ENPP7: variants seen among roughly 807,000 people sequenced by gnomAD.
The protein encoded by ENPP7 is ectonucleotide pyrophosphatase/phosphodiesterase family member 7.
ENPP7 carries 39 observed loss-of-function variants against 33.6 expected under a neutral mutation model. The ratio of observed to expected loss-of-function variants is 1.16; its 90% CI spans 0.90 to 1.52. ENPP7 has a LOEUF of 1.52. ENPP7 is among the 40% of genes most tolerant of loss of function. The probability of loss-of-function intolerance (pLI) is 0.00; values close to 1 mark genes in which losing one functional copy is unlikely to be tolerated. For synonymous variants in ENPP7, 244 were observed against 274.3 expected, an observed-to-expected ratio of 0.89 and a Z score of 1.09; for missense variants, 594 against 641.0, an observed-to-expected ratio of 0.93 and a Z score of 0.79.
Position 79,737,958 on chromosome 17 carries a change from A to C in ENPP7, c.1289A>C (p.Lys430Thr). The part of the protein sequence containing the change: ...PPDGRPTLLP[K>T]GRSALPPSSR... The stretch of plus-strand genomic sequence containing the variant: ...GATGGAAGGCCTACTCTCCTGCCCA[A>C]GGGAAGATCTGCTCTCCCGCCCAGC... The change falls in exon 5 of 6, where the codon AAG becomes ACG. Residue 430 changes from lysine (K) to threonine (T), a missense_variant. Physicochemically the swap from Lys to Thr is moderately conservative, Grantham distance 78. Around this residue, in one of 3 missense-constraint regions of ENPP7, gnomAD observed 504 missense variants for 512.8 expected, o/e 0.98. Coordinates refer to ENST00000328313, the MANE Select transcript of ENPP7 (RefSeq NM_178543.5). The surrounding 1 kb of genome is among the most constrained non-coding windows in gnomAD (Gnocchi z 5.5). The C allele has an allele frequency of 1.2e-6, 2 of 1,613,844 alleles. No homozygotes were observed. Among genetic ancestry groups the C allele is most frequent in the Non-Finnish European group, 1.7e-6 (2 of 1,180,008 alleles).
rs184046915 is a variant in ENPP7 at position 79,737,929 on chromosome 17, G to A, written c.1260G>A (p.Pro420=). ...LPMLHTESAL[P]PDGRPTLLPK... ...GGCTTTCCTTAGAATCTGCTCTTCC[G>A]CCTGATGGAAGGCCTACTCTCCTGC... The change falls in exon 5 of 6, where the codon CCG becomes CCA. Residue 420 remains proline (P), a synonymous_variant. Coordinates refer to ENST00000328313, the MANE Select transcript of ENPP7 (RefSeq NM_178543.5). This position sits in a 1 kb window ranked among gnomAD's most constrained non-coding sequence, Gnocchi z 5.5. 152 of 1,613,720 alleles carry A rather than the reference G, an allele frequency of 9.4e-5. No homozygotes were observed. The East Asian group carries it at 1.9e-3, about 20-fold the overall frequency.
intron 5 of ENPP7, among the ~76,000 whole-genome samples, chr17:79,741,322 T>C (rs1331179703): frequency 1.3e-5 from 2 of 152,140 alleles, no homozygotes; most frequent in African/African-American, 4.8e-5. Context: ...GAAGCTAGTG[T>C]TGAAAGTACA....
rs1201728872 is a variant in ENPP7, at chr17:79,741,942, T to G, written c.*165T>G. 1.9e-5 allele frequency: 19 copies of G among 985,422 alleles called. No homozygotes were observed. The highest frequency in any genetic ancestry group is 3.5e-5 in the African/African-American group (2 of 57,206). The allele number at this position is 985,422 out of a possible 1,614,324, so 61.0% of individuals were successfully genotyped here. On this transcript the variant is annotated 3_prime_UTR_variant, in exon 6 of 6. Transcript: ENST00000328313. Reference sequence around the variant, plus strand: ...GCAGCGCCAACCCCTGCTTGGCTGTTATGGTGCTGGTAATAAGCCTCGCAG... The same window carrying G: ...GCAGCGCCAACCCCTGCTTGGCTGTGATGGTGCTGGTAATAAGCCTCGCAG...
Position 79,733,516 on chromosome 17 carries a change from A to G in ENPP7, c.262A>G (p.Ile88Val), listed in dbSNP as rs782214637. Residue 88 changes from isoleucine to valine, a missense_variant, in exon 2 of 6, where the codon ATC becomes GTC. Transcript: ENST00000328313. ...CHFTLVTGKY[I>V]ENHGVVHNMY... ...ACCTCTTCCTCCCTCAGGCAAATAT[A>G]TCGAGAACCACGGGGTGGTTCACAA... 1 of 1,612,796 alleles carries G rather than the reference A, an allele frequency of 6.2e-7. No individual in the cohort carries two copies. Among genetic ancestry groups the G allele is most frequent in the East Asian group, 2.2e-5 (1 of 44,854 alleles).
Position 79,735,667 on chromosome 17 carries a change from G to T in ENPP7, c.1024G>T (p.Gly342Trp), listed in dbSNP as rs953837151. Residue 342 changes from glycine to tryptophan, a missense_variant and splice_region_variant, in exon 3 of 6, where the codon GGG (glycine) becomes TGG (tryptophan). Around this residue, in one of 3 missense-constraint regions of ENPP7, gnomAD observed 504 missense variants for 512.8 expected, o/e 0.98. Transcript: ENST00000328313. This position sits in a 1 kb window ranked among gnomAD's most constrained non-coding sequence, Gnocchi z 5.5. ...MYSDLGYVIH[G>W]RINVQFNNGE... ...CAGCGACCTTGGCTACGTCATCCAT[G>T]GGGTGAGTCGCCTGCTGGAGGCACC... The T allele has an allele frequency of 1.9e-6, 3 of 1,601,442 alleles. No homozygotes were observed. Among genetic ancestry groups the T allele is most frequent in the Non-Finnish European group, 2.6e-6 (3 of 1,171,218 alleles).
rs782025150 is a variant in ENPP7 at position 79,735,333 on chromosome 17, C to T, written c.690C>T (p.Ile230=). 75 of 1,613,490 alleles carry T rather than the reference C, an allele frequency of 4.6e-5. No homozygotes were observed. In the Middle Eastern group the frequency reaches 4.9e-4, roughly 11 times the overall value. The part of the protein sequence containing the change: ...DRTVGYLRES[I]ARNHLTDRLN... ...CCGTGGGCTACCTCCGGGAGAGCAT[C>T]GCGCGCAACCACCTCACAGACCGCC... The change falls in exon 3 of 6, where the codon ATC becomes ATT. Residue 230 remains isoleucine, a synonymous_variant. Transcript: ENST00000328313. This position sits in a 1 kb window ranked among gnomAD's most constrained non-coding sequence, Gnocchi z 5.5.
At chr17:79,732,758 C>T (rs2094288851) in intron 1 of ENPP7, among the ~76,000 whole-genome samples, 1 of 152,230 alleles carries the variant, frequency 6.6e-6, no homozygotes, top group Non-Finnish European at 1.5e-5. Context: ...CTTACCCTAG[C>T]TAATCACATC....
intron 1 of ENPP7, 73 bp downstream of exon 1, chr17:79,731,465 G>A: frequency 2.6e-6 from 4 of 1,515,592 alleles, no homozygotes; most frequent in Middle Eastern, 1.8e-4. Context: ...GCCGTGTCGT[G>A]CAGGATAAAG....
In ENPP7 at chr17:79,738,893, T is replaced by C. The variant is rs2145796429; in HGVS notation, c.*16+831T>C. 1 of 152,366 alleles carries C rather than the reference T, an allele frequency of 6.6e-6. No individual in the cohort carries two copies. The allele number at this position is 152,366 out of a possible 1,614,324, so 9.4% of individuals were successfully genotyped here. On this transcript the variant is annotated intron_variant, in intron 5 of 5. Coordinates refer to ENST00000328313, the MANE Select transcript of ENPP7 (RefSeq NM_178543.5). This position sits in a 1 kb window ranked among gnomAD's most constrained non-coding sequence, Gnocchi z 6.2. ...CGGGAGCCAGCTCCATGCCACGCTC[T>C]GGTCTGGGCTCAGGATATGCAGCGA...
At position 79,738,620 on chromosome 17, in the gene ENPP7, G is replaced by T. The variant is rs1555824107; in HGVS notation, c.*16+558G>T. Reference sequence around the variant, plus strand: ...TGGGGCTGCGTTCCTGGAACTCTCTGGAAGCCCACCTCCAAGGACACGCGT... The same window carrying T: ...TGGGGCTGCGTTCCTGGAACTCTCTTGAAGCCCACCTCCAAGGACACGCGT... On this transcript the variant is annotated intron_variant, in intron 5 of 5. Transcript: ENST00000328313. The surrounding 1 kb of genome is among the most constrained non-coding windows in gnomAD (Gnocchi z 6.2). 1 of 152,322 alleles carries T rather than the reference G, an allele frequency of 6.6e-6. No individual in the cohort carries two copies. The highest frequency in any genetic ancestry group is 1.5e-5 in the Non-Finnish European group (1 of 68,452). The allele number at this position is 152,322 out of a possible 1,614,324, so 9.4% of individuals were successfully genotyped here.
rs182023109 is a variant in ENPP7 at position 79,731,086 on chromosome 17, C to T, written c.-54C>T. The T allele has an allele frequency of 6.9e-5, 106 of 1,535,936 alleles. No individual in the cohort carries two copies. The Middle Eastern group carries it at 9.5e-4, about 14-fold the overall frequency. ...GGTGACCCTGGGACTTTGTCCTCCT[C>T]GGCAGGAGCCAGCCCTGTGCACCCT... On this transcript the variant is annotated 5_prime_UTR_variant, in exon 1 of 6. Transcript: ENST00000328313.
At chr17:79,740,027 G>C (rs2094302605) in intron 5 of ENPP7, among the ~76,000 whole-genome samples, 1 of 152,146 alleles carries the variant, frequency 6.6e-6, no homozygotes, top group Non-Finnish European at 1.5e-5. Context: ...CCCCGTCTCT[G>C]TAGGAAATTT....
In ENPP7 at chr17:79,737,379, G is replaced by C; in HGVS notation, c.1246+119G>C. On this transcript the variant is annotated intron_variant, in intron 4 of 5. Coordinates refer to ENST00000328313, the MANE Select transcript of ENPP7 (RefSeq NM_178543.5). This position sits in a 1 kb window ranked among gnomAD's most constrained non-coding sequence, Gnocchi z 5.5. ...GCCCCAAGTGGGGCCACCTCCCCTG[G>C]CTTTGGAGAACACCAGAATCTCTCA... 1.3e-6 allele frequency: 1 copy of C among 767,880 alleles called. No individual in the cohort carries two copies. Among genetic ancestry groups the C allele is most frequent in the Non-Finnish European group, 2.1e-6 (1 of 467,790 alleles). The allele number at this position is 767,880 out of a possible 1,614,324, so 47.6% of individuals were successfully genotyped here. A position where few individuals can be genotyped will look rare whatever the true frequency, so the allele number is the denominator to read the frequency against.
At position 79,741,992 on chromosome 17, in the gene ENPP7, C is replaced by T. The variant is rs1408117112; in HGVS notation, c.*215C>T. The T allele has an allele frequency of 1.0e-6, 1 of 981,498 alleles. No homozygotes were observed. Among genetic ancestry groups the T allele is most frequent in the Non-Finnish European group, 1.2e-6 (1 of 825,598 alleles). 60.8% of individuals were successfully genotyped at this position (981,498 alleles called of 1,614,324 possible). ...GCCCAGGTCCAGAGCCCCCGGCGAG[C>T]CGGTCCCATAACCGGCCCCCTGCCC... On this transcript the variant is annotated 3_prime_UTR_variant, in exon 6 of 6. Coordinates refer to ENST00000328313, the MANE Select transcript of ENPP7 (RefSeq NM_178543.5).
At chr17:79,731,447 G>T in intron 1 of ENPP7, 55 bp downstream of exon 1, 1 of 1,562,584 alleles carries the variant, frequency 6.4e-7, no homozygotes, top group Non-Finnish European at 8.7e-7. Flanking sequence ...GAAACCAGAT[G>T]GCACAGAGCC....
At position 79,741,880 on chromosome 17, in the gene ENPP7, C is replaced by T. The variant is rs1362692898; in HGVS notation, c.*103C>T. On this transcript the variant is annotated 3_prime_UTR_variant, in exon 6 of 6. Transcript: ENST00000328313. ...TCGCGGACGGACCCTGCCTCCCCAG[C>T]TTATCCCAGGCCAGAGGCTGCATGC... The T allele has an allele frequency of 1.1e-5, 11 of 985,720 alleles. No homozygotes were observed. The highest frequency in any genetic ancestry group is 1.3e-5 in the Non-Finnish European group (11 of 830,148). 61.1% of individuals were successfully genotyped at this position (985,720 alleles called of 1,614,324 possible).
Position 79,737,266 on chromosome 17 carries a change from G to A in ENPP7, c.1246+6G>A, listed in dbSNP as rs782553063. The A allele has an allele frequency of 6.3e-7, 1 of 1,590,862 alleles. No individual in the cohort carries two copies. The highest frequency in any genetic ancestry group is 1.3e-5 in the African/African-American group (1 of 74,628). On this transcript the variant is annotated splice_donor_region_variant and intron_variant, in intron 4 of 5. Transcript: ENST00000328313. This position sits in a 1 kb window ranked among gnomAD's most constrained non-coding sequence, Gnocchi z 5.5. ...GCTGCCCATGCTGCACACAGGTGAGGGCAGGGTGCCCCAAATCCCCGCCTG... is the reference window on the plus strand; with the variant it reads ...GCTGCCCATGCTGCACACAGGTGAGAGCAGGGTGCCCCAAATCCCCGCCTG...
Position 79,731,332 on chromosome 17 carries a change from C to G in ENPP7, c.193C>G (p.Arg65Gly). 1.2e-6 allele frequency: 2 copies of G among 1,613,624 alleles called. No individual in the cohort carries two copies. The highest frequency in any genetic ancestry group is 1.7e-6 in the Non-Finnish European group (2 of 1,179,880). ...CATGGCCCGAGACGGGGTGAAGGCA[C>G]GCTACATGACCCCCGCCTTTGTCAC... is the stretch of plus-strand genomic sequence containing the variant. ...DAMARDGVKA[R>G]YMTPAFVTMT... Residue 65 changes from arginine to glycine, a missense_variant, in exon 1 of 6, where the codon CGC (arginine) becomes GGC (glycine). By Grantham distance (125) the Arg-to-Gly change is moderately radical (BLOSUM62 -2). Around this residue, in one of 3 missense-constraint regions of ENPP7, gnomAD observed 85 missense variants for 111.3 expected, o/e 0.76. Transcript: ENST00000328313.
intron 2 of ENPP7, among the ~76,000 whole-genome samples, chr17:79,734,793 A>C (rs1555823140): frequency 6.6e-6 from 1 of 152,118 alleles, no homozygotes; most frequent in African/African-American, 2.4e-5. Context: ...GAACATCTTT[A>C]TACTGATGTC....
Sources: allele counts gnomAD v4.1 joint callset (sites outside exome capture counted in the v4.1 genomes callset), GRCh38; gene constraint gnomAD v4.1.1; regional missense constraint gnomAD v4.1.1; non-coding constraint Gnocchi (gnomAD v3.1); transcripts MANE v1.5; gene names NCBI Gene and HGNC (gene_info 2026-07-23, HGNC 2026-07-21).